Variants in INSR observed in about 807,000 individuals in gnomAD.
INSR encodes insulin receptor.
Under a neutral mutation model 142.6 loss-of-function variants are expected in INSR, and 67 were observed. That is an observed-to-expected ratio of 0.47 (90% CI 0.39 to 0.58). The LOEUF (loss-of-function observed/expected upper bound fraction) is 0.58. INSR is among the 20% of genes least tolerant of loss of function. The pLI is 0.00. For missense variants in INSR, 1,248 were observed against 1,833.2 expected, an observed-to-expected ratio of 0.68 and a Z score of 5.83; for synonymous variants, 756 against 743.1, an observed-to-expected ratio of 1.02 and a Z score of -0.28.
intron 2 of INSR, among the ~76,000 whole-genome samples, chr19:7,198,149 C>A (rs1974841166): frequency 6.6e-6 from 1 of 151,904 alleles, no homozygotes. Context: ...CTCAGCGCAG[C>A]ACAAAGCCCG....
At chr19:7,120,371 G>A (rs769873354) in intron 20 of INSR, among the ~76,000 whole-genome samples, 10 of 152,308 alleles carry the variant, frequency 6.6e-5, no homozygotes, top group Middle Eastern at 3.4e-3. Flanking sequence ...ACGGGCACAC[G>A]TCCTCAACCT....
At chr19:7,252,953 A>G (rs1471512409) in intron 2 of INSR, among the ~76,000 whole-genome samples, 1 of 151,994 alleles carries the variant, frequency 6.6e-6, no homozygotes, top group Non-Finnish European at 1.5e-5. Context: ...GTCTCTACTA[A>G]AATACAAAAA....
intron 9 of INSR, among the ~76,000 whole-genome samples, chr19:7,158,394 G>C (rs184909390): frequency 0.013 from 1,903 of 152,134 alleles, 37 homozygotes; most frequent in African/African-American, 0.044. Flanking sequence ...CCAGCTACTC[G>C]GGAGGCTGAC....
At chr19:7,181,102 C>T (rs540893460) in intron 3 of INSR, among the ~76,000 whole-genome samples, 7 of 151,970 alleles carry the variant, frequency 4.6e-5, no homozygotes, top group South Asian at 2.1e-4. Context: ...TGTAATCCCA[C>T]GCCTGGCTAA....
At chr19:7,169,539 G>A (rs1283689825) in intron 6 of INSR, among the ~76,000 whole-genome samples, 1 of 137,840 alleles carries the variant, frequency 7.3e-6, no homozygotes, top group East Asian at 2.1e-4. Context: ...TCACGCCACT[G>A]CACTCCAGCC....
At chr19:7,230,664 G>T (rs12971628) in intron 2 of INSR, among the ~76,000 whole-genome samples, 46,201 of 151,806 alleles carry the variant, frequency 0.3, 7,246 homozygotes, top group South Asian at 0.37. Context: ...AAAATTAGCC[G>T]GGTGTGGTGG....
intron 3 of INSR, 108 bp downstream of exon 3, chr19:7,184,208 G>A: frequency 1.0e-6 from 1 of 988,954 alleles, no homozygotes; most frequent in Non-Finnish European, 1.6e-6. Context: ...CTCACTCATA[G>A]CCAATTAACC....
At chr19:7,262,096 C>G (rs976288994) in intron 2 of INSR, among the ~76,000 whole-genome samples, 2 of 152,144 alleles carry the variant, frequency 1.3e-5, no homozygotes, top group Non-Finnish European at 2.9e-5. Flanking sequence ...TTTCTCCAGC[C>G]CATTTCTGTC....
chr19:7,221,241 T>G (rs1460963999), intron 2 of INSR, among the ~76,000 whole-genome samples: 1 of 150,632 alleles, frequency 6.6e-6, no homozygotes, highest in Non-Finnish European at 1.5e-5. Flanking sequence ...GGCTGTGGTG[T>G]TGCGCACCTG....
At chr19:7,173,551 T>C (rs1311850468) in intron 4 of INSR, among the ~76,000 whole-genome samples, 1 of 150,804 alleles carries the variant, frequency 6.6e-6, no homozygotes, top group African/African-American at 2.4e-5. Flanking sequence ...TGACCTCAAG[T>C]GATCCGCCCA....
chr19:7,205,625 T>C (rs1426642292), intron 2 of INSR, among the ~76,000 whole-genome samples: 2 of 152,042 alleles, frequency 1.3e-5, no homozygotes, highest in Non-Finnish European at 2.9e-5. Context: ...GTAATCCCGA[T>C]ACTTTGGGAG....
At chr19:7,247,458 CT>C in intron 2 of INSR, among the ~76,000 whole-genome samples, 1 of 149,704 alleles carries the variant, frequency 6.7e-6, no homozygotes, top group Middle Eastern at 3.4e-3. Flanking sequence ...TTGTGATCAA[CT>C]TTCCCAAGCC....
intron 2 of INSR, among the ~76,000 whole-genome samples, chr19:7,207,041 C>T (rs1470060907): frequency 6.6e-6 from 1 of 152,146 alleles, no homozygotes; most frequent in Non-Finnish European, 1.5e-5. Context: ...GGGAGCATTA[C>T]TCTCTGAGGC....
Position 7,231,321 on chromosome 19 carries a change from G to C in INSR, c.652+36024C>G, listed in dbSNP as rs377204644. On this transcript the variant is annotated intron_variant, in intron 2 of 21. Transcript: ENST00000302850. ...TTTTTTTTTTTTTTTTTTTTTTTGA[G>C]ATGGAGTCTCTCTCTTTCGCCCAGG... Among the ~76,000 whole-genome samples, 126 of 127,848 alleles carry C rather than the reference G, an allele frequency of 9.9e-4. 1 individual carries two copies. Among genetic ancestry groups the C allele is most frequent in the African/African-American group, 3.5e-3 (111 of 31,602 alleles). 83.9% of individuals were successfully genotyped at this position (127,848 alleles called of 152,430 possible).
chr19:7,123,103 C>T (rs1019980819), intron 17 of INSR, 114 bp from the exon 18 acceptor site: 18 of 774,942 alleles, frequency 2.3e-5, no homozygotes, highest in African/African-American at 6.8e-5. Flanking sequence ...CTGGATGCAG[C>T]GTGCTCAGCC....
chr19:7,251,091 G>C (rs1477027493), intron 2 of INSR, among the ~76,000 whole-genome samples: 1 of 151,970 alleles, frequency 6.6e-6, no homozygotes, highest in Non-Finnish European at 1.5e-5. Flanking sequence ...ACGTTGAACG[G>C]CATCCCTGGC....
intron 2 of INSR, among the ~76,000 whole-genome samples, chr19:7,190,948 A>G (rs1974565844): frequency 6.6e-6 from 1 of 152,234 alleles, no homozygotes; most frequent in South Asian, 2.1e-4. Context: ...AGATATCAAA[A>G]CATCACATGG....
At chr19:7,123,048 T>G in intron 17 of INSR, 59 bp from the exon 18 acceptor site, 1 of 1,237,982 alleles carries the variant, frequency 8.1e-7, no homozygotes, top group Non-Finnish European at 1.2e-6. Context: ...TCACCAGGGT[T>G]CTCCTCCCTC....
chr19:7,128,886 C>T lies in INSR; in HGVS notation c.2911G>A (p.Val971Met). The T allele has an allele frequency of 6.2e-7, 1 of 1,613,964 alleles. No individual in the cohort carries two copies. ...AGGAATAGATAAATACTTCCAATCA[C>T]AACACTGAAGAGAAAGACAAAGATG... is the stretch of plus-strand genomic sequence containing the variant. ...PLIFVFLFSV[V>M]IGSIYLFLRK... The change falls in exon 15 of 22, where the codon GTG becomes ATG. Residue 971 changes from valine (V) to methionine (M), a missense_variant. Val to Met is a conservative substitution (Grantham distance 21). Coordinates refer to ENST00000302850, the MANE Select transcript of INSR (RefSeq NM_000208.4).
Sources: gnomAD v4.1 joint callset for allele counts (sites outside exome capture counted in the v4.1 genomes callset) on GRCh38, gnomAD v4.1.1 for gene constraint, MANE v1.5 for transcripts, NCBI Gene and HGNC (gene_info 2026-07-23, HGNC 2026-07-21) for gene names.